Variants in MAST4 observed in about 807,000 individuals in gnomAD.
MAST4 encodes microtubule associated serine/threonine kinase family member 4.
MAST4 carries 89 observed loss-of-function variants against 162.7 expected under a neutral mutation model. The observed-to-expected ratio is 0.55, with a 90% confidence interval of 0.46 to 0.65. The LOEUF (loss-of-function observed/expected upper bound fraction) is 0.65. MAST4 is among the 30% of genes least tolerant of loss of function. The pLI is 0.00. For synonymous variants in MAST4, 1,479 were observed against 1,361.1 expected (o/e 1.09, Z -1.91); for missense variants, 3,153 against 3,374.0 (o/e 0.93, Z 1.62).
intron 15 of MAST4, among the ~76,000 whole-genome samples, chr5:67,130,833 C>T (rs1405834276): frequency 6.6e-6 from 1 of 152,070 alleles, no homozygotes; most frequent in Non-Finnish European, 1.5e-5. Flanking sequence ...AAAGGAGATA[C>T]ATTCAAGAAA....
At chr5:66,956,329 G>A (rs186841064) in intron 4 of MAST4, among the ~76,000 whole-genome samples, 23 of 152,204 alleles carry the variant, frequency 1.5e-4, no homozygotes, top group Admixed American at 1.0e-3. Context: ...AGTCTTTTTG[G>A]TAAGACTACT....
chr5:66,827,949 A>C (rs1757352610), intron 3 of MAST4, among the ~76,000 whole-genome samples: 1 of 152,228 alleles, frequency 6.6e-6, no homozygotes, highest in Non-Finnish European at 1.5e-5. Context: ...AATTGAGATA[A>C]GATGAGGATG....
Position 66,596,554 on chromosome 5 carries a change from G to A in MAST4, c.-102G>A, listed in dbSNP as rs947689340. On this transcript the variant is annotated 5_prime_UTR_variant, in exon 1 of 29. In the 5' UTR this introduces an upstream ATG that the reference lacks. Coordinates refer to ENST00000403625, the MANE Select transcript of MAST4 (RefSeq NM_001164664.2). ...GGCTCCCTGCAGCCCGGGAGCGGCA[G>A]TGCCAGTGAGCCTGAGCCCAGGAGC... The A allele has an allele frequency of 1.5e-5, 19 of 1,262,164 alleles. No individual in the cohort carries two copies. Among genetic ancestry groups the A allele is most frequent in the Middle Eastern group, 3.0e-4 (1 of 3,376 alleles). 78.2% of individuals were successfully genotyped at this position (1,262,164 alleles called of 1,614,324 possible).
intron 3 of MAST4, among the ~76,000 whole-genome samples, chr5:66,898,017 TTTA>T (rs1460703002): frequency 3.3e-5 from 5 of 152,188 alleles, no homozygotes; most frequent in African/African-American, 1.2e-4. Context: ...TAACATCTGA[TTTA>T]TTATTTTGTT....
chr5:66,733,973 C>T (rs1752014786), intron 1 of MAST4, among the ~76,000 whole-genome samples: 1 of 152,154 alleles, frequency 6.6e-6, no homozygotes. Flanking sequence ...CAATATTTAA[C>T]TAAAAGCTTA....
At chr5:67,105,159 A>T (rs1765458030) in intron 10 of MAST4, among the ~76,000 whole-genome samples, 1 of 152,120 alleles carries the variant, frequency 6.6e-6, no homozygotes, top group Non-Finnish European at 1.5e-5. Flanking sequence ...ACAGGAAGAG[A>T]GTCTGTATGG....
chr5:66,827,940 A>G (rs1313253602), intron 3 of MAST4, among the ~76,000 whole-genome samples: 6 of 152,168 alleles, frequency 3.9e-5, no homozygotes, highest in Admixed American at 6.5e-5. Context: ...GTTGCTTTCA[A>G]TTGAGATAAG....
intron 1 of MAST4, among the ~76,000 whole-genome samples, chr5:66,624,152 T>G (rs897273448): frequency 1.4e-4 from 9 of 63,490 alleles, no homozygotes; most frequent in Admixed American, 9.6e-4. Flanking sequence ...AAATGTTTTT[T>G]TTTTTTTTTT....
chr5:66,659,621 TATC>T (rs1196973151), intron 1 of MAST4, among the ~76,000 whole-genome samples: 5 of 152,252 alleles, frequency 3.3e-5, no homozygotes, highest in African/African-American at 1.2e-4. Context: ...CATTTTTTGT[TATC>T]ATGTATTTAT....
intron 3 of MAST4, among the ~76,000 whole-genome samples, chr5:66,893,631 G>T (rs1580790000): frequency 6.6e-6 from 1 of 152,106 alleles, no homozygotes; most frequent in Non-Finnish European, 1.5e-5. Context: ...AAAAGAGAAA[G>T]ATAATTTAGG....
intron 3 of MAST4, among the ~76,000 whole-genome samples, chr5:66,870,013 A>G (rs1760811706): frequency 6.6e-6 from 1 of 152,160 alleles, no homozygotes. Context: ...CTTCCCTTTT[A>G]AAATATAGTA....
intron 1 of MAST4, among the ~76,000 whole-genome samples, chr5:66,697,743 ATTTTC>A (rs1240552368): frequency 1.3e-5 from 2 of 152,100 alleles, no homozygotes; most frequent in African/African-American, 4.8e-5. Context: ...ATTATTTTTT[ATTTTC>A]TTCTCTGGTG....
chr5:66,798,400 T>G (rs1039249078), intron 3 of MAST4, among the ~76,000 whole-genome samples: 1 of 152,210 alleles, frequency 6.6e-6, no homozygotes, highest in Non-Finnish European at 1.5e-5. Flanking sequence ...CAAGTTTTGA[T>G]AATTCTGATC....
At chr5:66,939,375 G>C (rs1743117376) in intron 4 of MAST4, among the ~76,000 whole-genome samples, 1 of 152,114 alleles carries the variant, frequency 6.6e-6, no homozygotes, top group Non-Finnish European at 1.5e-5. Flanking sequence ...TGTTTGCAAA[G>C]TACCATCTTT....
chr5:67,154,337 A>G (rs773503474), intron 26 of MAST4, among the ~76,000 whole-genome samples: 1 of 152,238 alleles, frequency 6.6e-6, no homozygotes, highest in Non-Finnish European at 1.5e-5. Flanking sequence ...ATATCTCTAG[A>G]TAGTATCATA....
At chr5:66,975,195 A>T (rs1486685079) in intron 4 of MAST4, among the ~76,000 whole-genome samples, 1 of 152,086 alleles carries the variant, frequency 6.6e-6, no homozygotes, top group African/African-American at 2.4e-5. Flanking sequence ...GCCTATTGAC[A>T]TCTTGATTTC....
chr5:66,803,250 C>T (rs897537302), intron 3 of MAST4, among the ~76,000 whole-genome samples: 1 of 152,158 alleles, frequency 6.6e-6, no homozygotes, highest in Non-Finnish European at 1.5e-5. Flanking sequence ...TCGGTCAATC[C>T]ATCTGTCCCT....
intron 1 of MAST4, among the ~76,000 whole-genome samples, chr5:66,673,531 T>TTTG (rs1747755458): frequency 9.1e-6 from 1 of 110,050 alleles, no homozygotes; most frequent in Admixed American, 1.0e-4. Flanking sequence ...TTGTTTTTTG[T>TTTG]TTTTTTTTTT....
At chr5:66,606,676 C>T (rs1742905388) in intron 1 of MAST4, among the ~76,000 whole-genome samples, 1 of 152,060 alleles carries the variant, frequency 6.6e-6, no homozygotes, top group African/African-American at 2.4e-5. Flanking sequence ...ATAAATTTCT[C>T]TTCGTGAATC....
Sources: allele counts gnomAD v4.1 joint callset (sites outside exome capture counted in the v4.1 genomes callset), GRCh38; gene constraint gnomAD v4.1.1; transcripts MANE v1.5; gene names NCBI Gene and HGNC (gene_info 2026-07-23, HGNC 2026-07-21).